Variants in ZFHX3 observed in about 807,000 individuals in gnomAD.
The protein encoded by ZFHX3 is zinc finger homeobox protein 3.
In ZFHX3, 42 loss-of-function variants were observed where a neutral mutation model predicts 279.1. That is an observed-to-expected ratio of 0.15 (90% confidence interval 0.12 to 0.19). The LOEUF (loss-of-function observed/expected upper bound fraction) is 0.19. ZFHX3 is among the 10% of genes least tolerant of loss of function. The probability of loss-of-function intolerance (pLI) is 1.00; values close to 1 mark genes in which losing one functional copy is unlikely to be tolerated. For synonymous variants in ZFHX3, 2,293 were observed against 1,957.8 expected, an observed-to-expected ratio of 1.17 and a Z score of -4.52; for missense variants, 4,981 against 4,754.0, an observed-to-expected ratio of 1.05 and a Z score of -1.40.
chr16:72,821,422 C>T (rs1303967967), intron 5 of ZFHX3, among the ~76,000 whole-genome samples: 1 of 152,208 alleles, frequency 6.6e-6, no homozygotes, highest in Non-Finnish European at 1.5e-5. Flanking sequence ...ATCAGTGCTG[C>T]TTTCCGTCTC....
At chr16:73,273,709 A>G (rs1419933600) in intron 4 of ZFHX3, among the ~76,000 whole-genome samples, 3 of 152,058 alleles carry the variant, frequency 2.0e-5, no homozygotes, top group African/African-American at 4.8e-5. Context: ...TTTAAAGCCA[A>G]TCTCCCACTT....
At chr16:73,227,463 T>C (rs1437831153) in intron 5 of ZFHX3, among the ~76,000 whole-genome samples, 1 of 152,150 alleles carries the variant, frequency 6.6e-6, no homozygotes, top group African/African-American at 2.4e-5. Context: ...CTTCCTTCCA[T>C]GGTGACTAGA....
intron 4 of ZFHX3, among the ~76,000 whole-genome samples, chr16:73,277,151 G>A (rs1260643759): frequency 6.6e-6 from 1 of 152,210 alleles, no homozygotes; most frequent in African/African-American, 2.4e-5. Flanking sequence ...TATGGGCTTG[G>A]CAAACACTTG....
intron 2 of ZFHX3, among the ~76,000 whole-genome samples, chr16:73,616,898 T>A (rs1163178907): frequency 6.6e-6 from 1 of 152,214 alleles, no homozygotes; most frequent in Non-Finnish European, 1.5e-5. Context: ...AGCAAGCTAA[T>A]TCCCTTCTTC....
chr16:73,884,782 A>C (rs2030292932), intron 1 of ZFHX3, among the ~76,000 whole-genome samples: 1 of 152,206 alleles, frequency 6.6e-6, no homozygotes, highest in Non-Finnish European at 1.5e-5. Context: ...TTATCTGAAT[A>C]GTTTTTGAAT....
At chr16:72,933,471 G>C (rs1350260836) in intron 3 of ZFHX3, among the ~76,000 whole-genome samples, 1 of 151,032 alleles carries the variant, frequency 6.6e-6, no homozygotes, top group East Asian at 1.9e-4. Context: ...CAACCAAGGA[G>C]ATGAGTTGAA....
chr16:72,890,733 G>A (rs2038753000), intron 3 of ZFHX3, among the ~76,000 whole-genome samples: 1 of 152,318 alleles, frequency 6.6e-6, no homozygotes, highest in South Asian at 2.1e-4. Flanking sequence ...TAGATCAGGG[G>A]TTGGCAAACT....
intron 5 of ZFHX3, among the ~76,000 whole-genome samples, chr16:73,154,198 C>T (rs767666246): frequency 2.0e-5 from 3 of 152,178 alleles, no homozygotes; most frequent in African/African-American, 4.8e-5. Flanking sequence ...GATTTGGCAT[C>T]CACGTGACAT....
chr16:73,519,083 C>T (rs769774931), intron 2 of ZFHX3, among the ~76,000 whole-genome samples: 1 of 152,148 alleles, frequency 6.6e-6, no homozygotes, highest in Non-Finnish European at 1.5e-5. Context: ...ATCAACTTCT[C>T]GAGAATAAAG....
chr16:73,405,896 C>G (rs914609929), intron 3 of ZFHX3, among the ~76,000 whole-genome samples: 2 of 152,248 alleles, frequency 1.3e-5, no homozygotes, highest in African/African-American at 4.8e-5. Context: ...ATGCCTGGGA[C>G]TTGTGGAACA....
At position 73,885,351 on chromosome 16, in the gene ZFHX3, G is replaced by A. The variant is rs548991893; in HGVS notation, c.-1608+6300C>T. On this transcript the variant is annotated intron_variant, in intron 1 of 17. Coordinates refer to the ZFHX3 transcript ENST00000641206. ...TATATGACATTCATGATTATAGCCC[G>A]ATCTGGAGAATTATTCAAATATAAA... 5.9e-4 allele frequency among the ~76,000 whole-genome samples: 90 copies of A among 152,144 alleles called. 1 individual carries two copies. The South Asian group carries it at 0.013, about 21-fold the overall frequency.
At chr16:72,849,069 G>A (rs1042656447) in intron 4 of ZFHX3, among the ~76,000 whole-genome samples, 3 of 152,140 alleles carry the variant, frequency 2.0e-5, no homozygotes, top group Admixed American at 6.5e-5. Flanking sequence ...AATGAAGCCC[G>A]GGGGTGGGGG....
At chr16:73,285,304 G>A (rs760811347) in intron 4 of ZFHX3, among the ~76,000 whole-genome samples, 3 of 152,214 alleles carry the variant, frequency 2.0e-5, no homozygotes, top group Admixed American at 6.5e-5. Context: ...AAGAGATTAA[G>A]GGATCGGTAG....
intron 1 of ZFHX3, among the ~76,000 whole-genome samples, chr16:73,037,959 T>C (rs1242671881): frequency 1.3e-5 from 2 of 152,210 alleles, no homozygotes; most frequent in Admixed American, 6.5e-5. Flanking sequence ...TCTGGGAAGC[T>C]GCACACCAAC....
intron 4 of ZFHX3, among the ~76,000 whole-genome samples, chr16:73,269,217 A>T (rs892338347): frequency 2.6e-5 from 4 of 152,122 alleles, no homozygotes. Flanking sequence ...AAGTGTATGG[A>T]TCTATGAGTT....
chr16:73,231,166 C>A (rs1490476938), intron 5 of ZFHX3, among the ~76,000 whole-genome samples: 1 of 152,182 alleles, frequency 6.6e-6, no homozygotes, highest in Non-Finnish European at 1.5e-5. Context: ...AGGTACCACT[C>A]CCCGGGACAC....
At chr16:73,723,936 G>A (rs2053497280) in intron 1 of ZFHX3, among the ~76,000 whole-genome samples, 1 of 152,202 alleles carries the variant, frequency 6.6e-6, no homozygotes, top group South Asian at 2.1e-4. Context: ...ATCAATAGGT[G>A]AGGCAGCTTT....
At chr16:73,261,063 T>TTA (rs903225392) in intron 4 of ZFHX3, among the ~76,000 whole-genome samples, 67 of 152,180 alleles carry the variant, frequency 4.4e-4, no homozygotes, top group African/African-American at 1.5e-3. Context: ...GTTAAAGGAT[T>TTA]TATGTGCAAG....
chr16:72,962,841 C>G (rs1961645571), intron 1 of ZFHX3, among the ~76,000 whole-genome samples: 2 of 151,958 alleles, frequency 1.3e-5, no homozygotes, highest in Admixed American at 1.3e-4. Flanking sequence ...TCTTAGATTC[C>G]CTGTGGTCCC....
Sources: allele counts gnomAD v4.1 joint callset (sites outside exome capture counted in the v4.1 genomes callset), GRCh38; gene constraint gnomAD v4.1.1; transcripts MANE v1.5; gene names NCBI Gene and HGNC (gene_info 2026-07-23, HGNC 2026-07-21).